Variants in ZRANB2 observed in about 807,000 individuals in gnomAD.
The protein encoded by ZRANB2 is zinc finger RANBP2-type containing 2.
A neutral mutation model predicts 53.4 loss-of-function variants in ZRANB2; 19 were observed. The ratio of observed to expected loss-of-function variants is 0.36; its 90% CI spans 0.25 to 0.52. The LOEUF is 0.52. Ranked by LOEUF, ZRANB2 falls within the 20% of genes least tolerant of loss-of-function variation. The pLI, the probability that ZRANB2 is intolerant of heterozygous loss-of-function variation, is 0.93. For synonymous variants in ZRANB2, 145 were observed against 134.8 expected (o/e 1.08, Z -0.52); for missense variants, 309 against 401.1 (o/e 0.77, Z 1.96).
chr1:71,069,430 A>C, intron 7 of ZRANB2, 68 bp from the exon 8 acceptor site: 1 of 1,152,920 alleles, frequency 8.7e-7, no homozygotes, highest in Non-Finnish European at 1.3e-6. Flanking sequence ...ATGAACACTG[A>C]AAGAAAGATA....
intron 8 of ZRANB2, among the ~76,000 whole-genome samples, chr1:71,068,375 A>G (rs1661506618): frequency 6.6e-6 from 1 of 152,218 alleles, no homozygotes; most frequent in African/African-American, 2.4e-5. Context: ...TTTAGGTCAT[A>G]ATAAATTAAC....
At chr1:71,080,165 A>G (rs751626761) in intron 1 of ZRANB2, among the ~76,000 whole-genome samples, 1 of 152,150 alleles carries the variant, frequency 6.6e-6, no homozygotes, top group Non-Finnish European at 1.5e-5. Context: ...ACATTAAATT[A>G]TTTTCCATGT....
At position 71,072,013 on chromosome 1, in the gene ZRANB2, G is replaced by T; in HGVS notation, c.513+108C>A. 4 of 1,464,306 alleles carry T rather than the reference G, an allele frequency of 2.7e-6. No individual in the cohort carries two copies. The South Asian group carries it at 5.7e-5, about 21-fold the overall frequency. 90.7% of individuals were successfully genotyped at this position (1,464,306 alleles called of 1,614,324 possible). ...ATCCAAAACCTTTGTGAGAACAAATGAAAACACAGAATATATTTTCACCAA... is the reference window on the plus strand; with the variant it reads ...ATCCAAAACCTTTGTGAGAACAAATTAAAACACAGAATATATTTTCACCAA... On this transcript the variant is annotated intron_variant, in intron 6 of 9. Transcript: ENST00000370920.
At chr1:71,073,044 A>T (rs1661628706) in intron 4 of ZRANB2, among the ~76,000 whole-genome samples, 1 of 152,110 alleles carries the variant, frequency 6.6e-6, no homozygotes, top group Non-Finnish European at 1.5e-5. Context: ...AAACACAATA[A>T]CACAATAAAG....
intron 5 of ZRANB2, 102 bp downstream of exon 5, chr1:71,072,370 G>A: frequency 7.0e-7 from 1 of 1,432,916 alleles, no homozygotes; most frequent in Non-Finnish European, 9.5e-7. Flanking sequence ...AGTTGCTGAA[G>A]ACTCAAATTG....
At chr1:71,066,726 T>A (rs756962644) in intron 9 of ZRANB2, 50 bp downstream of exon 9, 24 of 1,558,420 alleles carry the variant, frequency 1.5e-5, no homozygotes, top group Non-Finnish European at 6.1e-6. Flanking sequence ...TTACTTTATC[T>A]ATTAAACACA....
At position 71,064,517 on chromosome 1, in the gene ZRANB2, G is replaced by T. The variant is rs926394487; in HGVS notation, c.*557C>A. On this transcript the variant is annotated 3_prime_UTR_variant, in exon 10 of 10. Transcript: ENST00000370920. Reference sequence around the variant, plus strand: ...AAATGTGGAGCAAAAAAGTAAAGCTGGATAAAAGAGACACAATGATTCTAA... The same window carrying T: ...AAATGTGGAGCAAAAAAGTAAAGCTTGATAAAAGAGACACAATGATTCTAA... 2.0e-5 allele frequency: 3 copies of T among 152,434 alleles called. No homozygotes were observed. The highest frequency in any genetic ancestry group is 7.2e-5 in the African/African-American group (3 of 41,438). 9.4% of individuals were successfully genotyped at this position (152,434 alleles called of 1,614,324 possible).
intron 7 of ZRANB2, 193 bp from the exon 8 acceptor site, chr1:71,069,555 C>CCTGGAAAGTGATATT: frequency 2.5e-6 from 1 of 403,752 alleles, no homozygotes; most frequent in Non-Finnish European, 4.5e-6. Flanking sequence ...AAAAATATCA[C>CCTGGAAAGTGATATT]TTTCCAGGTG....
intron 3 of ZRANB2, 82 bp downstream of exon 3, chr1:71,078,375 T>C: frequency 8.5e-7 from 1 of 1,175,924 alleles, no homozygotes; most frequent in Non-Finnish European, 1.2e-6. Flanking sequence ...TCAATGTCAC[T>C]AATAAGAGCT....
chr1:71,071,858 C>T (rs183874931), intron 6 of ZRANB2, among the ~76,000 whole-genome samples: 24 of 152,208 alleles, frequency 1.6e-4, no homozygotes, highest in Non-Finnish European at 2.8e-4. Flanking sequence ...AACGTTACTG[C>T]TATCAAAATT....
intron 7 of ZRANB2, among the ~76,000 whole-genome samples, chr1:71,070,027 C>T (rs1451149094): frequency 6.6e-6 from 1 of 152,038 alleles, no homozygotes; most frequent in Admixed American, 6.6e-5. Context: ...CAAAAAATTA[C>T]TAGTTATAGC....
At chr1:71,076,940 T>C (rs1205664166) in intron 3 of ZRANB2, 63 bp from the exon 4 acceptor site, 5 of 1,224,960 alleles carry the variant, frequency 4.1e-6, no homozygotes, top group African/African-American at 1.6e-5. Flanking sequence ...AATTTTTAGA[T>C]ATTTTACAAT....
chr1:71,074,134 T>G (rs1332104382), intron 4 of ZRANB2, among the ~76,000 whole-genome samples: 2 of 152,154 alleles, frequency 1.3e-5, no homozygotes, highest in Admixed American at 1.3e-4. Flanking sequence ...ACTTCTTAGC[T>G]TAAGCATAGC....
intron 8 of ZRANB2, among the ~76,000 whole-genome samples, chr1:71,068,199 T>C (rs920619084): frequency 1.3e-5 from 2 of 152,168 alleles, no homozygotes; most frequent in African/African-American, 2.4e-5. Context: ...ATAATGCAAG[T>C]GTGCACAACA....
Position 71,070,913 on chromosome 1 carries a change from A to G in ZRANB2, c.597T>C (p.Asn199=), listed in dbSNP as rs370677898. Residue 199 remains asparagine (N), a synonymous_variant, in exon 7 of 10, where the codon AAT becomes AAC. Transcript: ENST00000370920. The part of the protein sequence containing the change: ...EEEDSNKKKS[N]RRSRSKSRSS... ...ATCGAGACTTTGAGCGACTTCGTCTATTAGATTTCTTTTTATTACTATCTT... is the reference window on the plus strand; with the variant it reads ...ATCGAGACTTTGAGCGACTTCGTCTGTTAGATTTCTTTTTATTACTATCTT... 32 of 1,611,714 alleles carry G rather than the reference A, an allele frequency of 2.0e-5. No individual in the cohort carries two copies. In the Admixed American group the frequency reaches 2.2e-4, roughly 11 times the overall value.
chr1:71,076,716 C>A, intron 4 of ZRANB2, 79 bp downstream of exon 4: 1 of 1,082,488 alleles, frequency 9.2e-7, no homozygotes, highest in Non-Finnish European at 1.4e-6. Flanking sequence ...GTGGCTCTTA[C>A]TCGAAGGTGA....
At chr1:71,065,716 G>T in intron 9 of ZRANB2, 1 of 1,612,570 alleles carries the variant, frequency 6.2e-7, no homozygotes, top group Non-Finnish European at 8.5e-7. Flanking sequence ...GTTGGCCCTG[G>T]GCTCAGGGTT....
intron 4 of ZRANB2, among the ~76,000 whole-genome samples, chr1:71,076,491 C>T (rs1483951164): frequency 6.6e-6 from 1 of 152,182 alleles, no homozygotes; most frequent in Non-Finnish European, 1.5e-5. Context: ...AAAATGGTAT[C>T]ATTATATCAT....
chr1:71,065,191 A>C, intron 9 of ZRANB2, 54 bp from the exon 10 acceptor site: 1 of 1,399,398 alleles, frequency 7.1e-7, no homozygotes, highest in Non-Finnish European at 1.0e-6. Flanking sequence ...GCTAAATCTC[A>C]GCATTCATTC....
Sources: gnomAD v4.1 joint callset for allele counts (sites outside exome capture counted in the v4.1 genomes callset) on GRCh38, gnomAD v4.1.1 for gene constraint, MANE v1.5 for transcripts, NCBI Gene and HGNC (gene_info 2026-07-23, HGNC 2026-07-21) for gene names.